Variants in DYNLL1 observed in about 807,000 individuals in gnomAD.
The protein encoded by DYNLL1 is dynein light chain 1, cytoplasmic.
A neutral mutation model predicts 10.1 loss-of-function variants in DYNLL1; 3 were observed. The observed-to-expected ratio is 0.30, with a 90% CI of 0.14 to 0.77. The LOEUF (loss-of-function observed/expected upper bound fraction) is 0.77, where lower values mean the gene tolerates loss of function less well. DYNLL1 is among the 30% of genes least tolerant of loss of function. The pLI is 0.66. For missense variants in DYNLL1, 47 were observed against 111.7 expected (o/e 0.42, Z 2.61); for synonymous variants, 46 against 41.2 (o/e 1.12, Z -0.45).
At chr12:120,492,990 T>C (rs546939336), upstream of DYNLL1, among the ~76,000 whole-genome samples, 1 of 152,238 alleles carries the variant, frequency 6.6e-6, no homozygotes, top group East Asian at 1.9e-4. This position sits in a 1 kb window ranked among gnomAD's most constrained non-coding sequence, Gnocchi z 4.1. Flanking sequence ...AAGCACTACA[T>C]ACATTTTTGT....
intron 1 of DYNLL1, chr12:120,490,224 CAG>C (rs940185969): frequency 6.6e-6 from 1 of 152,212 alleles, no homozygotes; most frequent in Non-Finnish European, 1.5e-5. Flanking sequence ...GAAATCTCCC[CAG>C]AGTCATAAAT....
chr12:120,474,531 C>T (rs1592996734), intron 1 of DYNLL1, among the ~76,000 whole-genome samples: 1 of 151,986 alleles, frequency 6.6e-6, no homozygotes, highest in East Asian at 1.9e-4. Context: ...ACTTAAAGAA[C>T]TTATCCATAT....
At chr12:120,472,648 G>C (rs1161364162) in intron 1 of DYNLL1, among the ~76,000 whole-genome samples, 5 of 152,162 alleles carry the variant, frequency 3.3e-5, no homozygotes, top group Admixed American at 3.3e-4. Context: ...GAGAAATAGA[G>C]TCAGCTAAGT....
chr12:120,474,716 C>T (rs1371086759), intron 1 of DYNLL1, among the ~76,000 whole-genome samples: 1 of 152,162 alleles, frequency 6.6e-6, no homozygotes, highest in East Asian at 1.9e-4. Flanking sequence ...CTCTGTCAGG[C>T]TCAGTCATGA....
intron 1 of DYNLL1, among the ~76,000 whole-genome samples, chr12:120,485,949 G>A (rs1029029908): frequency 1.3e-5 from 2 of 151,014 alleles, no homozygotes; most frequent in African/African-American, 4.9e-5. Context: ...ATTGACAATG[G>A]TTATCTCTGT....
At chr12:120,480,567 C>T (rs1343121567) in intron 1 of DYNLL1, among the ~76,000 whole-genome samples, 1 of 152,134 alleles carries the variant, frequency 6.6e-6, no homozygotes, top group Non-Finnish European at 1.5e-5. Flanking sequence ...TGGCTCCTCT[C>T]CCTGGACACT....
chr12:120,485,928 T>C (rs1303095820), intron 1 of DYNLL1, among the ~76,000 whole-genome samples: 2 of 152,076 alleles, frequency 1.3e-5, no homozygotes, highest in Non-Finnish European at 2.9e-5. Flanking sequence ...TGGATGTATT[T>C]AAGACAAAAT....
At chr12:120,480,237 G>A (rs1283683286) in intron 1 of DYNLL1, among the ~76,000 whole-genome samples, 1 of 152,146 alleles carries the variant, frequency 6.6e-6, no homozygotes, top group Non-Finnish European at 1.5e-5. Flanking sequence ...ATCCAGAGGG[G>A]GCTGGTTAAG....
intron 1 of DYNLL1, among the ~76,000 whole-genome samples, chr12:120,476,903 C>T (rs1392937698): frequency 1.3e-5 from 2 of 150,782 alleles, no homozygotes; most frequent in Non-Finnish European, 2.9e-5. Flanking sequence ...TGAGCCACCG[C>T]GCCCGGACTT....
chr12:120,495,321 G>A (rs1462798155), upstream of DYNLL1: 1 of 152,040 alleles, frequency 6.6e-6, no homozygotes, highest in African/African-American at 2.4e-5. Context: ...CTTCACCCTG[G>A]ACAAAAACCC....
chr12:120,495,913 C>T (rs1342112561), upstream of DYNLL1: 2 of 168,234 alleles, frequency 1.2e-5, no homozygotes, highest in African/African-American at 4.8e-5. Flanking sequence ...ATTGCCCGGG[C>T]AACCGACGCC....
At chr12:120,479,461 AAAAAAAAAAT>A (rs1411815412) in intron 1 of DYNLL1, among the ~76,000 whole-genome samples, 87 of 130,230 alleles carry the variant, frequency 6.7e-4, no homozygotes, top group African/African-American at 1.8e-3. Flanking sequence ...AAAAAAAAAA[AAAAAAAAAAT>A]AATAATAATA....
At chr12:120,484,269 G>A (rs1198515474) in intron 1 of DYNLL1, among the ~76,000 whole-genome samples, 1 of 147,590 alleles carries the variant, frequency 6.8e-6, no homozygotes, top group Non-Finnish European at 1.5e-5. Flanking sequence ...CCAGTGCCAG[G>A]GAGATGGCCT....
At chr12:120,494,290 C>CT (rs550901143), upstream of DYNLL1, among the ~76,000 whole-genome samples, 767 of 141,602 alleles carry the variant, frequency 5.4e-3, 7 homozygotes, top group Non-Finnish European at 7.5e-3. Flanking sequence ...CATTTTTTTC[C>CT]TTTTTTTTTT....
intron 1 of DYNLL1, among the ~76,000 whole-genome samples, chr12:120,487,024 G>A (rs147572630): frequency 0.025 from 3,731 of 151,242 alleles, 159 homozygotes; most frequent in African/African-American, 0.086. Flanking sequence ...GCCCAGGCTG[G>A]AGTGCAATGG....
intron 1 of DYNLL1, among the ~76,000 whole-genome samples, chr12:120,474,242 G>A (rs1371096045): frequency 6.6e-6 from 1 of 152,036 alleles, no homozygotes; most frequent in African/African-American, 2.4e-5. Flanking sequence ...AGAGGTTGCA[G>A]TGAGCCAATA....
At chr12:120,489,828 A>T (rs945249653) in intron 1 of DYNLL1, among the ~76,000 whole-genome samples, 2 of 152,132 alleles carry the variant, frequency 1.3e-5, no homozygotes, top group African/African-American at 4.8e-5. Context: ...GCTCACTGCA[A>T]CCTCTGCCTC....
chr12:120,476,093 TA>T (rs1213592356), intron 1 of DYNLL1, among the ~76,000 whole-genome samples: 2 of 147,246 alleles, frequency 1.4e-5, no homozygotes, highest in African/African-American at 4.9e-5. Flanking sequence ...AAGCAAAGGG[TA>T]GGGGGGTGTG....
At chr12:120,485,775 A>C (rs1446927545) in intron 1 of DYNLL1, among the ~76,000 whole-genome samples, 2 of 141,752 alleles carry the variant, frequency 1.4e-5, no homozygotes, top group Non-Finnish European at 3.0e-5. Context: ...TGGGAGTTTG[A>C]GGCTGTAGTG....
Sources: allele counts gnomAD v4.1 joint callset (sites outside exome capture counted in the v4.1 genomes callset), GRCh38; gene constraint gnomAD v4.1.1; non-coding constraint Gnocchi (gnomAD v3.1); transcripts MANE v1.5; gene names NCBI Gene and HGNC (gene_info 2026-07-23, HGNC 2026-07-21).